CTSS: variants seen among roughly 807,000 people sequenced by gnomAD.
CTSS encodes cathepsin S.
In CTSS, 15 loss-of-function variants were observed where a neutral mutation model predicts 39.9. The observed-to-expected ratio is 0.38, with a 90% confidence interval of 0.25 to 0.58. The LOEUF (loss-of-function observed/expected upper bound fraction) is 0.58, where lower values mean the gene tolerates loss of function less well. Ranked by LOEUF, CTSS falls within the 20% of genes least tolerant of loss-of-function variation. The probability of loss-of-function intolerance (pLI) is 0.70; values close to 1 mark genes in which losing one functional copy is unlikely to be tolerated. For synonymous variants in CTSS, 126 were observed against 138.2 expected, an observed-to-expected ratio of 0.91 and a Z score of 0.62; for missense variants, 250 against 398.2, an observed-to-expected ratio of 0.63 and a Z score of 3.17.
intron 7 of CTSS, among the ~76,000 whole-genome samples, chr1:150,734,556 G>A (rs1652593996): frequency 6.6e-6 from 1 of 152,140 alleles, no homozygotes; most frequent in South Asian, 2.1e-4. Context: ...TAGGAGAATC[G>A]CTTGAACCTG....
chr1:150,765,495 A>G (rs1421986587), intron 1 of CTSS, among the ~76,000 whole-genome samples: 1 of 151,146 alleles, frequency 6.6e-6, no homozygotes, highest in Non-Finnish European at 1.5e-5. Flanking sequence ...TATTCCAAAG[A>G]AAGCCATGTT....
chr1:150,736,015 C>T (rs890312947), intron 7 of CTSS, among the ~76,000 whole-genome samples: 1 of 152,120 alleles, frequency 6.6e-6, no homozygotes, highest in African/African-American at 2.4e-5. Flanking sequence ...GCCTCAGCCT[C>T]CCAAAGTGCT....
At position 150,731,063 on chromosome 1, in the gene CTSS, A is replaced by G. The variant is rs1458615359; in HGVS notation, c.*1983T>C. 1.3e-5 allele frequency: 2 copies of G among 152,196 alleles called. No homozygotes were observed. The highest frequency in any genetic ancestry group is 3.8e-4 in the East Asian group (2 of 5,200). 9.4% of individuals were successfully genotyped at this position (152,196 alleles called of 1,614,324 possible). On this transcript the variant is annotated 3_prime_UTR_variant, in exon 8 of 8. Transcript: ENST00000368985. ...TTTTATTCTACTTTCAATACTTGAAAAGTTGTGGATAAAACAAAAATTATG... is the reference window on the plus strand; with the variant it reads ...TTTTATTCTACTTTCAATACTTGAAGAGTTGTGGATAAAACAAAAATTATG...
chr1:150,763,171 G>A (rs996118622), intron 2 of CTSS, among the ~76,000 whole-genome samples: 5 of 151,710 alleles, frequency 3.3e-5, no homozygotes, highest in African/African-American at 1.2e-4. Flanking sequence ...GTTATGCTAA[G>A]TGAAATAAGC....
At position 150,730,892 on chromosome 1, in the gene CTSS, ACAAACTTAT is replaced by A. The variant is rs906731743; in HGVS notation, c.*2145_*2153del. 6.4e-5 allele frequency: 4 copies of A among 62,720 alleles called. No homozygotes were observed. The highest frequency in any genetic ancestry group is 1.6e-4 in the Non-Finnish European group (4 of 24,930). The allele number at this position is 62,720 out of a possible 1,614,324, so 3.9% of individuals were successfully genotyped here. A position where few individuals can be genotyped will look rare whatever the true frequency, so the allele number is the denominator to read the frequency against. Reference sequence around the variant, plus strand: ...AAAGAAGCATGCATATTAATATATAACAAACTTATCTTTTAACATTTTAATAACTGTATT... The same window carrying A: ...AAAGAAGCATGCATATTAATATATAACTTTTAACATTTTAATAACTGTATT... On this transcript the variant is annotated 3_prime_UTR_variant, in exon 8 of 8. Coordinates refer to ENST00000368985, the MANE Select transcript of CTSS (RefSeq NM_004079.5).
At chr1:150,752,922 T>C (rs1337163800) in intron 4 of CTSS, among the ~76,000 whole-genome samples, 1 of 152,200 alleles carries the variant, frequency 6.6e-6, no homozygotes, top group Non-Finnish European at 1.5e-5. Flanking sequence ...GGTGTGATCA[T>C]GGCTCACTGT....
At chr1:150,746,617 GGAAA>G (rs1175442037) in intron 7 of CTSS, among the ~76,000 whole-genome samples, 3 of 152,064 alleles carry the variant, frequency 2.0e-5, no homozygotes, top group Non-Finnish European at 4.4e-5. Flanking sequence ...CAAGGATTCA[GGAAA>G]GACTTTTCTG....
chr1:150,760,754 G>T (rs1653237633), intron 2 of CTSS, among the ~76,000 whole-genome samples: 1 of 151,968 alleles, frequency 6.6e-6, no homozygotes, highest in Admixed American at 6.6e-5. Flanking sequence ...GTGGTGGCAT[G>T]TGCCTACAGT....
At chr1:150,756,511 C>T (rs1161215293) in intron 3 of CTSS, among the ~76,000 whole-genome samples, 1 of 152,124 alleles carries the variant, frequency 6.6e-6, no homozygotes, top group Non-Finnish European at 1.5e-5. Flanking sequence ...AGCAGCATCA[C>T]CACAGACAAG....
chr1:150,751,814 G>A lies in CTSS; in HGVS notation c.594C>T (p.Ile198=), dbSNP rs369911614. ...AFQYIIDNKG[I]DSDASYPYKA... The stretch of plus-strand genomic sequence containing the variant: ...TGTAGGGATAGGAAGCGTCTGAGTC[G>A]ATGCCCTTGTTATCAATGATGTACT... Residue 198 remains isoleucine (I), a synonymous_variant, in exon 5 of 8, where the codon ATC becomes ATT. Transcript: ENST00000368985. The A allele has an allele frequency of 1.9e-6, 3 of 1,614,094 alleles. No individual in the cohort carries two copies. The highest frequency in any genetic ancestry group is 2.5e-6 in the Non-Finnish European group (3 of 1,180,016).
At chr1:150,750,394 T>C (rs1652984797) in intron 5 of CTSS, among the ~76,000 whole-genome samples, 1 of 152,180 alleles carries the variant, frequency 6.6e-6, no homozygotes, top group African/African-American at 2.4e-5. Context: ...AACATCCTCA[T>C]ACATGCAAAA....
At chr1:150,765,552 T>C (rs587617226) in intron 1 of CTSS, 146 bp downstream of exon 1, 1 of 152,322 alleles carries the variant, frequency 6.6e-6, no homozygotes, top group Non-Finnish European at 1.5e-5. Flanking sequence ...CATTAACTTT[T>C]TAAAAATAGA....
In CTSS at chr1:150,741,711, C is replaced by G. The variant is rs187950532; in HGVS notation, c.896+6066G>C. Among the ~76,000 whole-genome samples the G allele has an allele frequency of 1.6e-4, 24 of 151,782 alleles. No homozygotes were observed. The East Asian group carries it at 3.3e-3, about 21-fold the overall frequency. ...CCAACATGGTGAAACCCCATCTCTA[C>G]TAAAAATACAAAAATTAGCCAGGTG... is the stretch of plus-strand genomic sequence containing the variant. On this transcript the variant is annotated intron_variant, in intron 7 of 7. Coordinates refer to ENST00000368985, the MANE Select transcript of CTSS (RefSeq NM_004079.5).
chr1:150,758,206 C>A (rs1193796518), intron 2 of CTSS, among the ~76,000 whole-genome samples: 1 of 152,012 alleles, frequency 6.6e-6, no homozygotes. Context: ...TGTGCCACCA[C>A]GCCTAGCTAA....
intron 2 of CTSS, among the ~76,000 whole-genome samples, chr1:150,758,642 G>A (rs1653184522): frequency 6.6e-6 from 1 of 151,854 alleles, no homozygotes; most frequent in South Asian, 2.1e-4. Context: ...CTGGGACCCA[G>A]CAATCTTCAC....
At chr1:150,764,103 A>C (rs587707177) in intron 2 of CTSS, among the ~76,000 whole-genome samples, 1 of 152,188 alleles carries the variant, frequency 6.6e-6, no homozygotes, top group Non-Finnish European at 1.5e-5. Context: ...ACCATCTAGC[A>C]TACTACATAT....
At chr1:150,757,655 T>G (rs1653161226) in intron 3 of CTSS, among the ~76,000 whole-genome samples, 1 of 152,192 alleles carries the variant, frequency 6.6e-6, no homozygotes, top group South Asian at 2.1e-4. Flanking sequence ...AAGAAGTGAT[T>G]TGTTAAAGAA....
intron 7 of CTSS, among the ~76,000 whole-genome samples, chr1:150,743,538 T>A (rs1652813318): frequency 7.2e-6 from 1 of 139,098 alleles, no homozygotes; most frequent in African/African-American, 2.6e-5. Context: ...TATATTTATA[T>A]TTATATATAG....
chr1:150,740,480 TC>T (rs1346030481), intron 7 of CTSS, among the ~76,000 whole-genome samples: 1 of 152,112 alleles, frequency 6.6e-6, no homozygotes, highest in Non-Finnish European at 1.5e-5. Context: ...AAGCTCCGCC[TC>T]CCAGGTTCAT....
Sources: gnomAD v4.1 joint callset for allele counts (sites outside exome capture counted in the v4.1 genomes callset) on GRCh38, gnomAD v4.1.1 for gene constraint, MANE v1.5 for transcripts, NCBI Gene and HGNC (gene_info 2026-07-23, HGNC 2026-07-21) for gene names.